Variants in CACNA1G observed in about 807,000 individuals in gnomAD.
The protein encoded by CACNA1G is calcium voltage-gated channel subunit alpha1 G.
A neutral mutation model predicts 219.4 loss-of-function variants in CACNA1G; 67 were observed. The ratio of observed to expected loss-of-function variants is 0.31; its 90% CI spans 0.25 to 0.37. CACNA1G has a LOEUF of 0.37. Ranked by LOEUF, CACNA1G falls within the 10% of genes least tolerant of loss-of-function variation. The pLI is 1.00. For missense variants in CACNA1G, 2,380 were observed against 3,231.4 expected (o/e 0.74, Z 6.39); for synonymous variants, 1,296 against 1,345.3 (o/e 0.96, Z 0.80).
rs753432727 is a variant in CACNA1G, at chr17:50,615,416, C to A, written c.4815C>A (p.His1605Gln). 2 of 1,613,018 alleles carry A rather than the reference C, an allele frequency of 1.2e-6. No homozygotes were observed. Among genetic ancestry groups the A allele is most frequent in the Non-Finnish European group, 1.7e-6 (2 of 1,179,156 alleles). ...ACTCCCGCTTCCGGCTCCTCGTCCA[C>A]CACTTGTGCACCAGCCACTACCTGG... ...SDYSRFRLLV[H>Q]HLCTSHYLDL... The change falls in exon 27 of 38, where the codon CAC becomes CAA. Residue 1605 changes from histidine to glutamine, a missense_variant. Around this residue, in one of 17 missense-constraint regions of CACNA1G, gnomAD observed 123 missense variants for 258.4 expected, o/e 0.48. Coordinates refer to ENST00000359106, the MANE Select transcript of CACNA1G (RefSeq NM_018896.5).
chr17:50,592,317 A>G lies in CACNA1G; in HGVS notation c.2910+225A>G, dbSNP rs1033180019. ...GTGGTTGTTTGGGGTCCCTCCACCA[A>G]AGCTTAGCTACCGAGTAGACATCCC... On this transcript the variant is annotated intron_variant, in intron 13 of 37. Transcript: ENST00000359106. Among the ~76,000 whole-genome samples the G allele has an allele frequency of 5.9e-5, 9 of 152,236 alleles. 1 individual carries two copies. The Middle Eastern group carries it at 0.01, about 173-fold the overall frequency.
chr17:50,568,137 G>A (rs2038426483), intron 1 of CACNA1G, among the ~76,000 whole-genome samples: 2 of 152,188 alleles, frequency 1.3e-5, no homozygotes, highest in Admixed American at 6.5e-5. Context: ...CTCTGGTGCT[G>A]TAGCAGCGGG....
intron 25 of CACNA1G, among the ~76,000 whole-genome samples, chr17:50,608,702 G>A (rs1004808319): frequency 6.6e-6 from 1 of 152,168 alleles, no homozygotes; most frequent in African/African-American, 2.4e-5. Flanking sequence ...GGTGGGTGAA[G>A]CCCCCATCCG....
chr17:50,608,048 G>A, intron 25 of CACNA1G, 29 bp downstream of exon 25: 1 of 1,573,512 alleles, frequency 6.4e-7, no homozygotes. Flanking sequence ...CTGGTCGGTA[G>A]TCTTTCCACC....
rs571959805 is a variant in CACNA1G at position 50,598,111 on chromosome 17, TC to T, written c.3258+1189del. 2.6e-3 allele frequency among the ~76,000 whole-genome samples: 396 copies of T among 152,332 alleles called. 5 individuals are homozygous for T. Among genetic ancestry groups the T allele is most frequent in the African/African-American group, 8.8e-3 (364 of 41,578 alleles). ...CGATCTCAACTCACTGCATGCAACC[TC>T]TGCCTCCCAGGTTCGAGTGATTCTC... On this transcript the variant is annotated intron_variant, in intron 16 of 37. Coordinates refer to ENST00000359106, the MANE Select transcript of CACNA1G (RefSeq NM_018896.5).
chr17:50,575,732 C>T lies in CACNA1G; in HGVS notation c.1330C>T (p.Leu444Phe). 2.5e-6 allele frequency: 4 copies of T among 1,587,070 alleles called. No homozygotes were observed. Among genetic ancestry groups the T allele is most frequent in the Non-Finnish European group, 3.4e-6 (4 of 1,166,804 alleles). ...EELLKYLVYI[L>F]RKAARRLAQV... ...GCTGCTCAAGTACCTGGTGTACATC[C>T]TTCGTAAGGCAGCCCGCAGGCTGGC... Residue 444 changes from leucine (L) to phenylalanine (F), a missense_variant, in exon 8 of 38, where the codon CTT (leucine) becomes TTT (phenylalanine). By Grantham distance (22) the Leu-to-Phe change is conservative. This residue lies in a region of CACNA1G where 434 missense variants were observed against 417.3 expected (regional missense o/e 1.04). Transcript: ENST00000359106.
In CACNA1G at chr17:50,619,842, T is replaced by C. The variant is rs1439358836; in HGVS notation, c.5925+16T>C. 6.3e-7 allele frequency: 1 copy of C among 1,594,300 alleles called. No individual in the cohort carries two copies. Among genetic ancestry groups the C allele is most frequent in the Admixed American group, 1.7e-5 (1 of 58,838 alleles). On this transcript the variant is annotated intron_variant, in intron 34 of 37. Coordinates refer to ENST00000359106, the MANE Select transcript of CACNA1G (RefSeq NM_018896.5). ...CGACCCACAGGTTACTGTGCCCCTG[T>C]GCTGTGCCCTCTCCCCTGACCGTGC...
At chr17:50,615,195 G>A in intron 26 of CACNA1G, among the ~76,000 whole-genome samples, 166 bp from the exon 27 acceptor site, 1 of 152,070 alleles carries the variant, frequency 6.6e-6, no homozygotes, top group East Asian at 1.9e-4. Flanking sequence ...GACACGCCCA[G>A]ACGGCTGCCC....
chr17:50,600,128 C>T lies in CACNA1G; in HGVS notation c.3690+269C>T, dbSNP rs1169025263. 6.6e-6 allele frequency among the ~76,000 whole-genome samples: 1 copy of T among 152,148 alleles called. No individual in the cohort carries two copies. Among genetic ancestry groups the T allele is most frequent in the Non-Finnish European group, 1.5e-5 (1 of 68,032 alleles). On this transcript the variant is annotated intron_variant, in intron 17 of 37. Coordinates refer to ENST00000359106, the MANE Select transcript of CACNA1G (RefSeq NM_018896.5). The surrounding 1 kb of genome is among the most constrained non-coding windows in gnomAD (Gnocchi z 4.1). ...ACAGATGTGTATGAATCTTTCATGG[C>T]CCTCCCCCTGTGACTCAGAAAGACC... is the stretch of plus-strand genomic sequence containing the variant.
chr17:50,599,742 G>T lies in CACNA1G; in HGVS notation c.3573G>T (p.Gly1191=), dbSNP rs781297274. 2.5e-6 allele frequency: 4 copies of T among 1,613,536 alleles called. No homozygotes were observed. Among genetic ancestry groups the T allele is most frequent in the Non-Finnish European group, 3.4e-6 (4 of 1,179,842 alleles). The change falls in exon 17 of 38, where the codon GGG becomes GGT. Residue 1191 remains glycine, a synonymous_variant. Coordinates refer to ENST00000359106, the MANE Select transcript of CACNA1G (RefSeq NM_018896.5). ...TGCATCGCACTGCCAGTGGCCGAGG[G>T]TCTGCTTCTGAGCACCAGGACTGCA... is the stretch of plus-strand genomic sequence containing the variant. The part of the protein sequence containing the change: ...PGLHRTASGR[G]SASEHQDCNG...
Position 50,572,558 on chromosome 17 carries a change from C to A in CACNA1G, c.751C>A (p.Leu251Met). The change falls in exon 6 of 38, where the codon CTG (leucine) becomes ATG (methionine). Residue 251 changes from leucine (L) to methionine (M), a missense_variant. Coordinates refer to ENST00000359106, the MANE Select transcript of CACNA1G (RefSeq NM_018896.5). ...CFLPENFSLP[L>M]SVDLERYYQT... ...GTTCCCCTTCCCATCCTGCAGCCCCCTGAGCGTGGACCTGGAGCGCTATTA... is the reference window on the plus strand; with the variant it reads ...GTTCCCCTTCCCATCCTGCAGCCCCATGAGCGTGGACCTGGAGCGCTATTA... The A allele has an allele frequency of 6.5e-7, 1 of 1,538,836 alleles. No individual in the cohort carries two copies. Among genetic ancestry groups the A allele is most frequent in the East Asian group, 2.4e-5 (1 of 42,114 alleles).
Position 50,617,815 on chromosome 17 carries a change from G to T in CACNA1G, c.5156-44G>T, listed in dbSNP as rs200355716. ...TCCTGACTCTGCCAGCTGTCTGGCC[G>T]GGGACCCAAAGAGGCCAGCTCATGA... is the stretch of plus-strand genomic sequence containing the variant. On this transcript the variant is annotated intron_variant, in intron 29 of 37. Transcript: ENST00000359106. This position sits in a 1 kb window ranked among gnomAD's most constrained non-coding sequence, Gnocchi z 5.8. The T allele has an allele frequency of 1.4e-5, 23 of 1,600,752 alleles. No homozygotes were observed. In the East Asian group the frequency reaches 4.9e-4, roughly 34 times the overall value.
chr17:50,625,318 A>G (rs528912514), intron 37 of CACNA1G, among the ~76,000 whole-genome samples: 136 of 152,360 alleles, frequency 8.9e-4, no homozygotes, highest in South Asian at 8.1e-3. Context: ...GAGCGTGGAC[A>G]CATGAGAATC....
At chr17:50,577,826 T>A (rs768449873) in intron 8 of CACNA1G, among the ~76,000 whole-genome samples, 34 of 152,086 alleles carry the variant, frequency 2.2e-4, no homozygotes, top group Non-Finnish European at 3.8e-4. Flanking sequence ...CCATGGAAAG[T>A]GCTGCTCAGA....
Position 50,576,123 on chromosome 17 carries a change from G to C in CACNA1G, c.1721G>C (p.Arg574Thr), listed in dbSNP as rs1200388606. 6 of 1,603,248 alleles carry C rather than the reference G, an allele frequency of 3.7e-6. No homozygotes were observed. The South Asian group carries it at 6.7e-5, about 18-fold the overall frequency. ...GTCCGCTGCCAGGCGCCCCCTCCCA[G>C]GTCCCCATCTGAGGCATCCGGCAGG... ...EPVRCQAPPP[R>T]SPSEASGRTV... The change falls in exon 8 of 38, where the codon AGG becomes ACG. Residue 574 changes from arginine (R) to threonine (T), a missense_variant. By Grantham distance (71) the Arg-to-Thr change is moderately conservative. Around this residue, in one of 17 missense-constraint regions of CACNA1G, gnomAD observed 434 missense variants for 417.3 expected, o/e 1.04. Transcript: ENST00000359106.
chr17:50,596,198 A>C lies in CACNA1G; in HGVS notation c.2980-364A>C, dbSNP rs2145648301. 6.6e-6 allele frequency among the ~76,000 whole-genome samples: 1 copy of C among 152,318 alleles called. No individual in the cohort carries two copies. Among genetic ancestry groups the C allele is most frequent in the East Asian group, 1.9e-4 (1 of 5,182 alleles). ...AGTGAACTTTTGCAAGAGAGGCTCT[A>C]GTGACCACTTCACTCAGGTCCCCAG... On this transcript the variant is annotated intron_variant, in intron 14 of 37. Coordinates refer to ENST00000359106, the MANE Select transcript of CACNA1G (RefSeq NM_018896.5). The surrounding 1 kb of genome is among the most constrained non-coding windows in gnomAD (Gnocchi z 4.8).
intron 24 of CACNA1G, 68 bp downstream of exon 24, chr17:50,607,057 G>C (rs1395355759): frequency 8.1e-7 from 1 of 1,240,436 alleles, no homozygotes; most frequent in South Asian, 1.2e-5. Context: ...TTCCAGGACA[G>C]AAAGAGCAAG....
At chr17:50,576,470 C>A in intron 8 of CACNA1G, 144 bp downstream of exon 8, 2 of 764,086 alleles carry the variant, frequency 2.6e-6, no homozygotes, top group Non-Finnish European at 4.3e-6. Context: ...TTCAACCAGT[C>A]ACATCCCTGC....
intron 1 of CACNA1G, 149 bp from the exon 2 acceptor site, chr17:50,568,721 G>C (rs376270581): frequency 8.8e-6 from 6 of 678,378 alleles, no homozygotes; most frequent in African/African-American, 8.8e-5. Flanking sequence ...GGGGCTGGGG[G>C]CTGGTCTGCG....
Sources: gnomAD v4.1 joint callset for allele counts (sites outside exome capture counted in the v4.1 genomes callset) on GRCh38, gnomAD v4.1.1 for gene constraint, gnomAD v4.1.1 regional missense constraint, Gnocchi (gnomAD v3.1) non-coding constraint, MANE v1.5 for transcripts, NCBI Gene and HGNC (gene_info 2026-07-23, HGNC 2026-07-21) for gene names.